UBR3: variants seen among roughly 807,000 people sequenced by gnomAD.
The protein encoded by UBR3 is E3 ubiquitin-protein ligase UBR3.
A neutral mutation model predicts 243.2 loss-of-function variants in UBR3; 85 were observed. That is an observed-to-expected ratio of 0.35 (90% confidence interval 0.29 to 0.42). UBR3 has a LOEUF of 0.42. Among genes scored for constraint, UBR3 ranks in the 10% least tolerant of loss-of-function variants. UBR3 has a pLI of 1.00. For missense variants in UBR3, 1,686 were observed against 2,300.8 expected (o/e 0.73, Z 5.47); for synonymous variants, 748 against 799.8 (o/e 0.94, Z 1.09).
At chr2:169,877,734 G>T (rs2083669564) in intron 4 of UBR3, 97 bp downstream of exon 4, 1 of 1,204,598 alleles carries the variant, frequency 8.3e-7, no homozygotes, top group South Asian at 1.6e-5. Context: ...AAATTATTTT[G>T]AACTAAAACA....
intron 11 of UBR3, among the ~76,000 whole-genome samples, chr2:169,921,909 T>C (rs552230777): frequency 3.3e-5 from 5 of 152,180 alleles, no homozygotes; most frequent in East Asian, 1.9e-4. Context: ...GAGAATTGCT[T>C]GAACCCGGGA....
intron 22 of UBR3, among the ~76,000 whole-genome samples, chr2:169,948,203 A>G (rs2086861909): frequency 6.6e-6 from 1 of 151,922 alleles, no homozygotes; most frequent in Non-Finnish European, 1.5e-5. Context: ...TTTTGGACCA[A>G]TTATAGGTAG....
chr2:170,026,052 A>C (rs895231021), intron 30 of UBR3, among the ~76,000 whole-genome samples: 1 of 151,996 alleles, frequency 6.6e-6, no homozygotes, highest in Admixed American at 6.6e-5. Context: ...TAGTGTGTGC[A>C]GAATGAGAGG....
intron 1 of UBR3, among the ~76,000 whole-genome samples, chr2:169,865,878 G>A (rs1051643359): frequency 6.6e-5 from 10 of 152,028 alleles, no homozygotes; most frequent in Non-Finnish European, 1.5e-5. Flanking sequence ...GGCTGGGCAC[G>A]GTGGCTAACG....
At chr2:169,832,449 C>A (rs1266496561) in intron 1 of UBR3, among the ~76,000 whole-genome samples, 2 of 151,992 alleles carry the variant, frequency 1.3e-5, no homozygotes, top group African/African-American at 2.4e-5. Context: ...ACTCGGGAGG[C>A]TGAGGCAGGA....
intron 10 of UBR3, among the ~76,000 whole-genome samples, chr2:169,911,543 G>A (rs1382294575): frequency 6.6e-6 from 1 of 152,040 alleles, no homozygotes; most frequent in Admixed American, 6.5e-5. Context: ...CTTTTTTGGG[G>A]GTTGAGGGGT....
At chr2:169,988,587 T>C (rs2089134292) in intron 25 of UBR3, among the ~76,000 whole-genome samples, 1 of 151,898 alleles carries the variant, frequency 6.6e-6, no homozygotes. Flanking sequence ...GGAGGATTGC[T>C]TGAGTCTAGG....
intron 20 of UBR3, among the ~76,000 whole-genome samples, chr2:169,943,781 T>C (rs1397156359): frequency 6.6e-6 from 1 of 152,218 alleles, no homozygotes; most frequent in African/African-American, 2.4e-5. Flanking sequence ...GAATATTTGT[T>C]ATACAAATTT....
At chr2:169,886,156 C>CAAAA (rs71006050) in intron 5 of UBR3, among the ~76,000 whole-genome samples, 15 of 112,150 alleles carry the variant, frequency 1.3e-4, no homozygotes, top group Admixed American at 4.5e-4. Context: ...GACTCCGTCT[C>CAAAA]AAAAAAAAAA....
chr2:169,921,555 G>A (rs77763348), intron 11 of UBR3, among the ~76,000 whole-genome samples: 3,335 of 152,294 alleles, frequency 0.022, 53 homozygotes, highest in Non-Finnish European at 0.031. Flanking sequence ...CTAGTTAATA[G>A]CAATATGTAC....
chr2:169,851,595 G>T (rs2082659152), intron 1 of UBR3, among the ~76,000 whole-genome samples: 1 of 152,150 alleles, frequency 6.6e-6, no homozygotes, highest in African/African-American at 2.4e-5. Context: ...GCCAGGCACG[G>T]TGGCTCATGC....
chr2:169,920,980 G>A (rs2105343685), intron 11 of UBR3, among the ~76,000 whole-genome samples: 1 of 152,326 alleles, frequency 6.6e-6, no homozygotes, highest in South Asian at 2.1e-4. Context: ...GGCACTAGGT[G>A]TTGAGGGCCT....
At position 169,913,934 on chromosome 2, in the gene UBR3, TATA is replaced by T. The variant is rs1266688435; in HGVS notation, c.1780-123_1780-121del. 49 of 382,768 alleles carry T rather than the reference TATA, an allele frequency of 1.3e-4. 1 individual carries two copies. Among genetic ancestry groups the T allele is most frequent in the Admixed American group, 5.2e-4 (11 of 21,150 alleles). The allele number at this position is 382,768 out of a possible 1,614,324, so 23.7% of individuals were successfully genotyped here. ...AGGGAGAGTTTCTTGAAATGGCAAA[TATA>T]ATCTTAAAATCTATACATTTTACCA... On this transcript the variant is annotated intron_variant, in intron 10 of 38. Transcript: ENST00000272793.
intron 25 of UBR3, among the ~76,000 whole-genome samples, chr2:169,990,747 A>G (rs937593179): frequency 9.9e-5 from 15 of 152,004 alleles, no homozygotes; most frequent in Non-Finnish European, 1.8e-4. Flanking sequence ...ACACACACAC[A>G]CATAAAAGAA....
intron 35 of UBR3, among the ~76,000 whole-genome samples, chr2:170,065,850 A>G (rs2091555301): frequency 6.6e-6 from 1 of 151,832 alleles, no homozygotes; most frequent in African/African-American, 2.4e-5. Context: ...TATATGTCCC[A>G]TTTTAAGTCT....
chr2:169,944,687 T>C (rs2086719107), intron 20 of UBR3, among the ~76,000 whole-genome samples: 1 of 152,080 alleles, frequency 6.6e-6, no homozygotes, highest in Non-Finnish European at 1.5e-5. Flanking sequence ...TTATTTCTTT[T>C]TTTTTTTTGA....
At chr2:169,950,549 T>G (rs990557110) in intron 23 of UBR3, among the ~76,000 whole-genome samples, 1 of 152,082 alleles carries the variant, frequency 6.6e-6, no homozygotes, top group African/African-American at 2.4e-5. Context: ...AGCTTTTGGA[T>G]CTTTAGGTTG....
rs2091742663 is a variant in UBR3, at chr2:170,073,455, A to G, written c.5047A>G (p.Ser1683Gly). 1 of 1,613,664 alleles carries G rather than the reference A, an allele frequency of 6.2e-7. No homozygotes were observed. Among genetic ancestry groups the G allele is most frequent in the South Asian group, 1.1e-5 (1 of 91,008 alleles). The stretch of plus-strand genomic sequence containing the variant: ...AGAAGAAGAATTTTCAGTTCTTGCC[A>G]GCTGCCTGGGACTTCTGCCAACGTT... ...QEEEEFSVLASCLGLLPTFYQ... is the reference protein window; with the variant it reads ...QEEEEFSVLAGCLGLLPTFYQ... The change falls in exon 36 of 39, where the codon AGC becomes GGC. Residue 1683 changes from serine to glycine, a missense_variant. Physicochemically the swap from Ser to Gly is moderately conservative, Grantham distance 56. This residue lies in a region of UBR3 where 371 missense variants were observed against 422.5 expected (regional missense o/e 0.88). Coordinates refer to ENST00000272793, the MANE Select transcript of UBR3 (RefSeq NM_172070.4).
intron 32 of UBR3, among the ~76,000 whole-genome samples, chr2:170,054,117 G>T (rs2091280688): frequency 6.6e-6 from 1 of 152,072 alleles, no homozygotes; most frequent in Non-Finnish European, 1.5e-5. Context: ...ATATTGCTAA[G>T]TTTTTTATTT....
Sources: gnomAD v4.1 joint callset for allele counts (sites outside exome capture counted in the v4.1 genomes callset) on GRCh38, gnomAD v4.1.1 for gene constraint, gnomAD v4.1.1 regional missense constraint, MANE v1.5 for transcripts, NCBI Gene and HGNC (gene_info 2026-07-23, HGNC 2026-07-21) for gene names.